Variants in NEGR1 observed in about 807,000 individuals in gnomAD.
NEGR1 encodes IgLON family member 4.
Under a neutral mutation model 40.9 loss-of-function variants are expected in NEGR1, and 10 were observed. That is an observed-to-expected ratio of 0.24 (90% CI 0.15 to 0.42). The LOEUF is 0.42. Among genes scored for constraint, NEGR1 ranks in the 10% least tolerant of loss-of-function variants. The pLI is 1.00. For missense variants in NEGR1, 352 were observed against 438.9 expected, an observed-to-expected ratio of 0.80 and a Z score of 1.77; for synonymous variants, 185 against 166.8, an observed-to-expected ratio of 1.11 and a Z score of -0.84.
At chr1:71,663,331 C>A (rs1652133077) in intron 4 of NEGR1, among the ~76,000 whole-genome samples, 1 of 151,978 alleles carries the variant, frequency 6.6e-6, no homozygotes, top group Non-Finnish European at 1.5e-5. Context: ...CATCTTAATT[C>A]TTATCATGTT....
intron 4 of NEGR1, among the ~76,000 whole-genome samples, chr1:71,616,596 ATAAGT>A (rs1175095967): frequency 1.3e-5 from 2 of 152,204 alleles, no homozygotes; most frequent in African/African-American, 4.8e-5. Context: ...ATAGTGGCAA[ATAAGT>A]TGAGGTACTT....
At position 72,073,744 on chromosome 1, in the gene NEGR1, T is replaced by C. The variant is rs568542780; in HGVS notation, c.177-138433A>G. Among the ~76,000 whole-genome samples the C allele has an allele frequency of 2.0e-5, 3 of 151,940 alleles. No individual in the cohort carries two copies. The East Asian group carries it at 5.8e-4, about 29-fold the overall frequency. On this transcript the variant is annotated intron_variant, in intron 1 of 6. Coordinates refer to ENST00000357731, the MANE Select transcript of NEGR1 (RefSeq NM_173808.3). ...ACTCAAGATTACTTAAGCTACAGCTTGGAAAGAGATATCCTTAAGATTCAT... is the reference window on the plus strand; with the variant it reads ...ACTCAAGATTACTTAAGCTACAGCTCGGAAAGAGATATCCTTAAGATTCAT...
chr1:72,023,532 G>T lies in NEGR1; in HGVS notation c.177-88221C>A, dbSNP rs181569470. ...GCCTGTTTTTGTGTAAATGAGAGTTGTGCTGCTAAATCCCCCTTAATGAGA... is the reference window on the plus strand; with the variant it reads ...GCCTGTTTTTGTGTAAATGAGAGTTTTGCTGCTAAATCCCCCTTAATGAGA... On this transcript the variant is annotated intron_variant, in intron 1 of 6. Transcript: ENST00000357731. Among the ~76,000 whole-genome samples, 18 of 151,650 alleles carry T rather than the reference G, an allele frequency of 1.2e-4. No homozygotes were observed. In the East Asian group the frequency reaches 3.3e-3, roughly 28 times the overall value.
chr1:71,553,248 C>T (rs547701704), intron 6 of NEGR1, among the ~76,000 whole-genome samples: 1 of 151,534 alleles, frequency 6.6e-6, no homozygotes. Context: ...TGACCAGTCT[C>T]ATCTCTAAGT....
chr1:71,999,993 G>A (rs1038726730), intron 1 of NEGR1, among the ~76,000 whole-genome samples: 2 of 151,734 alleles, frequency 1.3e-5, no homozygotes, highest in Non-Finnish European at 2.9e-5. Context: ...TTTTGTGTAT[G>A]TCATTGTACT....
chr1:71,696,599 T>C (rs1055061398), intron 4 of NEGR1, among the ~76,000 whole-genome samples: 1 of 151,846 alleles, frequency 6.6e-6, no homozygotes, highest in Non-Finnish European at 1.5e-5. Context: ...AAAATCAGTA[T>C]ACACATATTC....
intron 1 of NEGR1, among the ~76,000 whole-genome samples, chr1:72,092,765 C>A (rs903385956): frequency 6.6e-6 from 1 of 152,056 alleles, no homozygotes; most frequent in Admixed American, 6.5e-5. Flanking sequence ...ATCCTACCAC[C>A]TCAGCCTCCC....
At chr1:71,582,269 T>C (rs574828567) in intron 6 of NEGR1, among the ~76,000 whole-genome samples, 2 of 152,280 alleles carry the variant, frequency 1.3e-5, no homozygotes, top group East Asian at 1.9e-4. Context: ...AATATAAGTG[T>C]TTAACAAAAG....
intron 6 of NEGR1, among the ~76,000 whole-genome samples, chr1:71,469,674 G>T (rs1046251110): frequency 6.6e-6 from 1 of 152,026 alleles, no homozygotes; most frequent in Admixed American, 6.6e-5. Flanking sequence ...GACAACTTAT[G>T]AATTACTGAG....
At chr1:71,882,272 T>A (rs1660602785) in intron 2 of NEGR1, among the ~76,000 whole-genome samples, 1 of 152,146 alleles carries the variant, frequency 6.6e-6, no homozygotes, top group Admixed American at 6.6e-5. Context: ...TGATAAAATT[T>A]TCCTCAGTCC....
chr1:71,577,892 A>C (rs1237169303), intron 6 of NEGR1, among the ~76,000 whole-genome samples: 1 of 152,192 alleles, frequency 6.6e-6, no homozygotes, highest in African/African-American at 2.4e-5. Flanking sequence ...CACCATCAGC[A>C]GAATACTTGC....
chr1:72,050,089 C>A (rs940472143), intron 1 of NEGR1, among the ~76,000 whole-genome samples: 1 of 151,312 alleles, frequency 6.6e-6, no homozygotes, highest in Admixed American at 6.6e-5. Context: ...AAGTCCACTG[C>A]TTTTCTAGAT....
At chr1:71,990,054 G>T (rs1026520985) in intron 1 of NEGR1, among the ~76,000 whole-genome samples, 1 of 152,062 alleles carries the variant, frequency 6.6e-6, no homozygotes, top group Non-Finnish European at 1.5e-5. Context: ...ATGATTAAAG[G>T]TTTACTTTTC....
intron 6 of NEGR1, among the ~76,000 whole-genome samples, chr1:71,439,437 A>T (rs944568865): frequency 6.6e-6 from 1 of 152,176 alleles, no homozygotes; most frequent in African/African-American, 2.4e-5. Context: ...ATTTTGGCTC[A>T]CTGCAACCTC....
At chr1:71,851,027 G>A (rs928302638) in intron 2 of NEGR1, among the ~76,000 whole-genome samples, 10 of 152,136 alleles carry the variant, frequency 6.6e-5, no homozygotes, top group Non-Finnish European at 1.0e-4. Context: ...TTCAAGATGA[G>A]CGTGTGTTTC....
chr1:71,611,352 T>C (rs1289074952), intron 4 of NEGR1, among the ~76,000 whole-genome samples: 1 of 152,200 alleles, frequency 6.6e-6, no homozygotes, highest in Non-Finnish European at 1.5e-5. Context: ...AATAGATGAA[T>C]GTTTTCAGGG....
At chr1:71,446,702 T>A (rs1194066738) in intron 6 of NEGR1, among the ~76,000 whole-genome samples, 1 of 152,200 alleles carries the variant, frequency 6.6e-6, no homozygotes, top group Non-Finnish European at 1.5e-5. Flanking sequence ...ACATTTTAAA[T>A]TGAAATACAT....
chr1:71,682,906 C>T (rs980482630), intron 4 of NEGR1, among the ~76,000 whole-genome samples: 12 of 152,170 alleles, frequency 7.9e-5, no homozygotes, highest in Non-Finnish European at 1.8e-4. Context: ...GTGATGATTG[C>T]TCCCCTTTGA....
chr1:72,133,760 T>C (rs1264853601), intron 1 of NEGR1, among the ~76,000 whole-genome samples: 1 of 151,538 alleles, frequency 6.6e-6, no homozygotes, highest in African/African-American at 2.4e-5. Flanking sequence ...ACTTTTGTAG[T>C]TAATATAGAA....
Sources: allele counts gnomAD v4.1 joint callset (sites outside exome capture counted in the v4.1 genomes callset), GRCh38; gene constraint gnomAD v4.1.1; transcripts MANE v1.5; gene names NCBI Gene and HGNC (gene_info 2026-07-23, HGNC 2026-07-21).